Variants in SPECC1 observed in about 807,000 individuals in gnomAD.
SPECC1 encodes the protein cytospin-B.
In SPECC1, 62 loss-of-function variants were observed where a neutral mutation model predicts 104.1. That is an observed-to-expected ratio of 0.60 (90% CI 0.49 to 0.74). The LOEUF (loss-of-function observed/expected upper bound fraction) is 0.74. Among genes scored for constraint, SPECC1 ranks in the 30% least tolerant of loss-of-function variants. The pLI is 0.00. For missense variants in SPECC1, 1,306 were observed against 1,310.5 expected (o/e 1.00, Z 0.05); for synonymous variants, 513 against 501.6 (o/e 1.02, Z -0.30).
At position 20,317,637 on chromosome 17, in the gene SPECC1, C is replaced by T; in HGVS notation, c.*3572C>T. 5.1e-6 allele frequency: 1 copy of T among 195,814 alleles called. No homozygotes were observed. The highest frequency in any genetic ancestry group is 1.1e-5 in the Non-Finnish European group (1 of 94,412). 12.1% of individuals were successfully genotyped at this position (195,814 alleles called of 1,614,324 possible). ...GCTGCTTGGGAGGCTGAGGTGGGAG[C>T]ATCACTTGAGCCCAGGAGTTTGAGG... On this transcript the variant is annotated 3_prime_UTR_variant, in exon 15 of 15. Transcript: ENST00000395527.
intron 1 of SPECC1, among the ~76,000 whole-genome samples, chr17:20,020,693 T>G (rs1055799267): frequency 6.6e-6 from 1 of 152,250 alleles, no homozygotes; most frequent in African/African-American, 2.4e-5. Flanking sequence ...TTCTCATTCT[T>G]AGCCCTTTAT....
chr17:20,289,955 T>C (rs1289936869), intron 12 of SPECC1, among the ~76,000 whole-genome samples: 1 of 152,172 alleles, frequency 6.6e-6, no homozygotes, highest in Non-Finnish European at 1.5e-5. Context: ...TTCCTGATCA[T>C]GGGCTTGGGC....
intron 3 of SPECC1, among the ~76,000 whole-genome samples, chr17:20,135,770 T>C (rs757574969): frequency 6.6e-6 from 1 of 152,100 alleles, no homozygotes; most frequent in Non-Finnish European, 1.5e-5. Flanking sequence ...CATTTAATAA[T>C]CTACATTGCA....
intron 12 of SPECC1, among the ~76,000 whole-genome samples, chr17:20,289,282 C>G (rs1023263374): frequency 6.6e-6 from 1 of 152,128 alleles, no homozygotes; most frequent in Non-Finnish European, 1.5e-5. Flanking sequence ...AAATACAATT[C>G]AAGTTGAGAT....
At position 20,173,221 on chromosome 17, in the gene SPECC1, C is replaced by T. The variant is rs555614278; in HGVS notation, c.284-31112C>T. Among the ~76,000 whole-genome samples, 91 of 152,288 alleles carry T rather than the reference C, an allele frequency of 6.0e-4. 1 individual carries two copies. Among genetic ancestry groups the T allele is most frequent in the African/African-American group, 2.1e-3 (89 of 41,568 alleles). ...AATACAAGTCTAGCCTTTGCCCTGG[C>T]ATGAAAAGAATGCAGACTGTTAGCT... On this transcript the variant is annotated intron_variant, in intron 3 of 14. Transcript: ENST00000395527.
Position 20,316,158 on chromosome 17 carries a change from GTTTGAAGCATTTTTTT to G in SPECC1, c.*2097_*2112del, listed in dbSNP as rs2042038091. On this transcript the variant is annotated 3_prime_UTR_variant, in exon 15 of 15. Transcript: ENST00000395527. Reference sequence around the variant, plus strand: ...ACTACTTCTGCTGATTCAGGCACTTGTTTGAAGCATTTTTTTTTTATTAACCCTGTACTTCTTCTTT... The same window carrying G: ...ACTACTTCTGCTGATTCAGGCACTTGTTTATTAACCCTGTACTTCTTCTTT... 2 of 231,180 alleles carry G rather than the reference GTTTGAAGCATTTTTTT, an allele frequency of 8.7e-6. No individual in the cohort carries two copies. The highest frequency in any genetic ancestry group is 3.6e-4 in the South Asian group (2 of 5,502). 14.3% of individuals were successfully genotyped at this position (231,180 alleles called of 1,614,324 possible). A position where few individuals can be genotyped will look rare whatever the true frequency, so the allele number is the denominator to read the frequency against.
At chr17:20,238,030 C>T in intron 7 of SPECC1, 1 of 1,020,630 alleles carries the variant, frequency 9.8e-7, no homozygotes, top group Non-Finnish European at 1.2e-6. Flanking sequence ...GCTTGAGACC[C>T]CATGTCTGGC....
intron 3 of SPECC1, among the ~76,000 whole-genome samples, chr17:20,191,486 G>A (rs899304288): frequency 1.2e-5 from 1 of 85,862 alleles, no homozygotes; most frequent in African/African-American, 7.2e-5. Context: ...ATGTGGAGCA[G>A]CTTTTTTTTT....
At chr17:20,172,563 T>C (rs2034168780) in intron 3 of SPECC1, among the ~76,000 whole-genome samples, 1 of 152,066 alleles carries the variant, frequency 6.6e-6, no homozygotes, top group Non-Finnish European at 1.5e-5. Context: ...AGCAGACAAA[T>C]TCAGGCTTCT....
intron 3 of SPECC1, among the ~76,000 whole-genome samples, chr17:20,183,609 T>G (rs2035058932): frequency 1.3e-5 from 2 of 152,184 alleles, no homozygotes; most frequent in Non-Finnish European, 2.9e-5. Context: ...TGGCATAGTA[T>G]TTGCATTTAA....
At chr17:20,289,772 G>T (rs1427903132) in intron 12 of SPECC1, among the ~76,000 whole-genome samples, 1 of 152,164 alleles carries the variant, frequency 6.6e-6, no homozygotes, top group Non-Finnish European at 1.5e-5. Flanking sequence ...GCAACTAGGG[G>T]ACTCGGTTGG....
chr17:20,175,827 A>G (rs2034435738), intron 3 of SPECC1, among the ~76,000 whole-genome samples: 1 of 152,166 alleles, frequency 6.6e-6, no homozygotes, highest in Non-Finnish European at 1.5e-5. Context: ...ATGCACATGT[A>G]GGGTAGGCTT....
At chr17:20,012,436 C>G (rs1205336349) in intron 1 of SPECC1, among the ~76,000 whole-genome samples, 1 of 151,524 alleles carries the variant, frequency 6.6e-6, no homozygotes, top group Admixed American at 6.6e-5. Context: ...ATTTTTGAAG[C>G]TGTTTTATGT....
intron 12 of SPECC1, among the ~76,000 whole-genome samples, chr17:20,266,438 G>A (rs1214332265): frequency 8.5e-5 from 13 of 152,194 alleles, no homozygotes; most frequent in Non-Finnish European, 1.5e-5. Flanking sequence ...CAAAAAATTA[G>A]CCGGGCGTGG....
At chr17:20,106,180 A>G (rs2048189072) in intron 2 of SPECC1, among the ~76,000 whole-genome samples, 2 of 152,148 alleles carry the variant, frequency 1.3e-5, no homozygotes, top group South Asian at 4.1e-4. Flanking sequence ...TCAAAGTTTC[A>G]AACCAGAATT....
intron 3 of SPECC1, among the ~76,000 whole-genome samples, chr17:20,171,661 C>T (rs2034100717): frequency 6.6e-6 from 1 of 152,076 alleles, no homozygotes; most frequent in South Asian, 2.1e-4. Context: ...GATCCTCCTG[C>T]CTCAACCTCT....
intron 1 of SPECC1, among the ~76,000 whole-genome samples, chr17:20,089,963 T>A (rs914283392): frequency 1.3e-5 from 2 of 152,226 alleles, no homozygotes; most frequent in African/African-American, 4.8e-5. Flanking sequence ...GGGTTTGTTC[T>A]GTGCCCCAGG....
At chr17:20,221,982 A>C (rs901392706) in intron 4 of SPECC1, among the ~76,000 whole-genome samples, 8 of 146,994 alleles carry the variant, frequency 5.4e-5, no homozygotes, top group African/African-American at 2.0e-4. Context: ...GTTTTATTCC[A>C]TGGTGGTCAG....
intron 4 of SPECC1, among the ~76,000 whole-genome samples, chr17:20,215,538 A>G (rs1255058469): frequency 2.6e-5 from 4 of 151,988 alleles, no homozygotes; most frequent in Non-Finnish European, 5.9e-5. Flanking sequence ...ATTTACTCAG[A>G]ACTTATTATA....
Sources: allele counts gnomAD v4.1 joint callset (sites outside exome capture counted in the v4.1 genomes callset), GRCh38; gene constraint gnomAD v4.1.1; transcripts MANE v1.5; gene names NCBI Gene and HGNC (gene_info 2026-07-23, HGNC 2026-07-21).